The following UST variants were observed in gnomAD, a reference collection of about 807,000 sequenced individuals.
UST encodes the protein chondroitin sulfate 2-O-sulfotransferase.
A neutral mutation model predicts 45.6 loss-of-function variants in UST; 21 were observed. The ratio of observed to expected loss-of-function variants is 0.46; its 90% CI spans 0.33 to 0.66. The LOEUF (loss-of-function observed/expected upper bound fraction) is 0.66. UST is among the 30% of genes least tolerant of loss of function. The pLI is 0.02. For synonymous variants in UST, 215 were observed against 200.6 expected, an observed-to-expected ratio of 1.07 and a Z score of -0.61; for missense variants, 463 against 512.4, an observed-to-expected ratio of 0.90 and a Z score of 0.93.
At chr6:148,947,330 T>G (rs993224225) in intron 3 of UST, among the ~76,000 whole-genome samples, 14 of 152,214 alleles carry the variant, frequency 9.2e-5, no homozygotes, top group African/African-American at 2.7e-4. Context: ...AAAAAATTGT[T>G]CTTAATCACG....
chr6:148,765,841 T>G (rs1171438334), intron 1 of UST, among the ~76,000 whole-genome samples: 5 of 152,242 alleles, frequency 3.3e-5, no homozygotes, highest in African/African-American at 1.2e-4. Flanking sequence ...CCTGACTTCC[T>G]GCAGCATCTT....
intron 1 of UST, among the ~76,000 whole-genome samples, chr6:148,831,138 A>G (rs551876358): frequency 1.3e-5 from 2 of 152,220 alleles, no homozygotes; most frequent in African/African-American, 4.8e-5. Context: ...TAGGAAGCAG[A>G]TCAACACATT....
chr6:148,873,804 C>G (rs988250647), intron 1 of UST, among the ~76,000 whole-genome samples: 3 of 152,244 alleles, frequency 2.0e-5, no homozygotes, highest in African/African-American at 7.2e-5. Flanking sequence ...GTGCTGAGAA[C>G]AGCATCAATG....
intron 1 of UST, among the ~76,000 whole-genome samples, chr6:148,844,330 A>T (rs956064714): frequency 6.6e-6 from 1 of 152,224 alleles, no homozygotes; most frequent in African/African-American, 2.4e-5. Flanking sequence ...AGAATAAGTT[A>T]CTTGCCCCAG....
chr6:148,941,497 G>A (rs1780125387), intron 3 of UST, 63 bp downstream of exon 3: 2 of 1,512,374 alleles, frequency 1.3e-6, no homozygotes, highest in African/African-American at 2.8e-5. Flanking sequence ...TAACTAGTGG[G>A]TGCCTTACAG....
intron 1 of UST, among the ~76,000 whole-genome samples, chr6:148,812,902 C>T (rs1196005525): frequency 5.9e-5 from 9 of 152,176 alleles, no homozygotes; most frequent in Admixed American, 4.6e-4. Flanking sequence ...CTACACATTG[C>T]TATAAACATC....
chr6:149,032,808 A>C (rs1212468178), intron 7 of UST, among the ~76,000 whole-genome samples: 1 of 152,144 alleles, frequency 6.6e-6, no homozygotes, highest in East Asian at 1.9e-4. Flanking sequence ...CTGTCTCATG[A>C]TTCATTTCCC....
At chr6:149,040,483 C>A (rs575121698) in intron 7 of UST, among the ~76,000 whole-genome samples, 1 of 151,900 alleles carries the variant, frequency 6.6e-6, no homozygotes, top group East Asian at 1.9e-4. Flanking sequence ...GGTAAAACAC[C>A]GTCTCTACTA....
At chr6:148,884,227 T>A (rs571760637) in intron 1 of UST, among the ~76,000 whole-genome samples, 1 of 152,180 alleles carries the variant, frequency 6.6e-6, no homozygotes, top group East Asian at 1.9e-4. Context: ...ATTGCTAAGA[T>A]TTTGGTATAA....
chr6:148,920,920 C>T (rs9498179), intron 2 of UST, among the ~76,000 whole-genome samples: 90 of 152,298 alleles, frequency 5.9e-4, no homozygotes, highest in African/African-American at 1.7e-3. Context: ...CCATCAGGAG[C>T]GTCAGAAGGA....
chr6:149,058,551 G>A (rs1180024424), intron 7 of UST, among the ~76,000 whole-genome samples: 2 of 152,154 alleles, frequency 1.3e-5, no homozygotes, highest in Non-Finnish European at 2.9e-5. Flanking sequence ...TAGAACTGCT[G>A]CAATAGTATT....
At chr6:149,003,079 A>G (rs1041990242) in intron 5 of UST, among the ~76,000 whole-genome samples, 4 of 152,204 alleles carry the variant, frequency 2.6e-5, no homozygotes, top group East Asian at 1.9e-4. Flanking sequence ...TTGAAACACA[A>G]TGAGTGAATC....
intron 1 of UST, among the ~76,000 whole-genome samples, chr6:148,824,602 T>C (rs1382567282): frequency 1.3e-5 from 2 of 151,938 alleles, no homozygotes; most frequent in African/African-American, 4.8e-5. Flanking sequence ...TGGTTTTTGC[T>C]AGGAGGTTTA....
At chr6:148,946,207 G>A (rs961152239) in intron 3 of UST, among the ~76,000 whole-genome samples, 1 of 152,068 alleles carries the variant, frequency 6.6e-6, no homozygotes, top group Non-Finnish European at 1.5e-5. Context: ...GGTTAATCGG[G>A]CCTCTGTTTA....
intron 1 of UST, among the ~76,000 whole-genome samples, chr6:148,808,550 C>T (rs887717022): frequency 2.0e-5 from 3 of 151,822 alleles, no homozygotes; most frequent in Non-Finnish European, 4.4e-5. Context: ...CATGCTGAAG[C>T]AGGGTCAGGT....
intron 7 of UST, among the ~76,000 whole-genome samples, chr6:149,065,633 G>A (rs536607168): frequency 1.3e-5 from 2 of 152,206 alleles, no homozygotes; most frequent in South Asian, 4.1e-4. Context: ...ATGTGACCTT[G>A]GGTAAGTTTC....
rs528029010 is a variant in UST at position 148,879,348 on chromosome 6, A to G, written c.248-7638A>G. 3.3e-4 allele frequency among the ~76,000 whole-genome samples: 51 copies of G among 152,328 alleles called. 1 individual carries two copies. The highest frequency in any genetic ancestry group is 1.2e-3 in the African/African-American group (51 of 41,578). ...CCGGAAATGATGGAAGTGGCCTGAG[A>G]TGAAGATGAGCCTCGGTAAAATCTG... On this transcript the variant is annotated intron_variant, in intron 1 of 7. Coordinates refer to ENST00000367463, the MANE Select transcript of UST (RefSeq NM_005715.3).
intron 3 of UST, among the ~76,000 whole-genome samples, chr6:148,941,832 A>G (rs1780133717): frequency 6.6e-6 from 1 of 152,106 alleles, no homozygotes; most frequent in Non-Finnish European, 1.5e-5. Flanking sequence ...CAGGATCTTT[A>G]TGGTTGTATT....
chr6:148,896,341 C>T (rs1341764743), intron 2 of UST, among the ~76,000 whole-genome samples: 1 of 152,192 alleles, frequency 6.6e-6, no homozygotes, highest in Admixed American at 6.5e-5. Flanking sequence ...TCTGTGAGGA[C>T]CTGCAAGAAG....
Sources: allele counts gnomAD v4.1 joint callset (sites outside exome capture counted in the v4.1 genomes callset), GRCh38; gene constraint gnomAD v4.1.1; transcripts MANE v1.5; gene names NCBI Gene and HGNC (gene_info 2026-07-23, HGNC 2026-07-21).